The following FRMPD4 variants were observed in gnomAD, a reference collection of about 807,000 sequenced individuals.
The protein encoded by FRMPD4 is FERM and PDZ domain-containing protein 4.
FRMPD4 carries 22 observed loss-of-function variants against 94.1 expected under a neutral mutation model. The ratio of observed to expected loss-of-function variants is 0.23; its 90% CI spans 0.17 to 0.33. The LOEUF is 0.33. Ranked by LOEUF, FRMPD4 falls within the 10% of genes least tolerant of loss-of-function variation. The probability of loss-of-function intolerance (pLI) is 1.00; values close to 1 mark genes in which losing one functional copy is unlikely to be tolerated. For synonymous variants in FRMPD4, 631 were observed against 548.6 expected, an observed-to-expected ratio of 1.15 and a Z score of -2.10; for missense variants, 1,111 against 1,339.9, an observed-to-expected ratio of 0.83 and a Z score of 2.67.
intron 1 of FRMPD4, among the ~76,000 whole-genome samples, chrX:11,832,241 C>T (rs992255846): frequency 7.2e-5 from 8 of 111,586 alleles, no homozygotes; most frequent in Non-Finnish European, 1.3e-4. Flanking sequence ...TAACAGATAC[C>T]GGATTTGCCT....
chrX:12,507,123 C>T (rs1001995579), intron 2 of FRMPD4, among the ~76,000 whole-genome samples: 41 of 112,532 alleles, frequency 3.6e-4, no homozygotes, highest in African/African-American at 1.2e-3. Flanking sequence ...ACATGGCCTT[C>T]TCAATAAAGG....
intron 3 of FRMPD4, among the ~76,000 whole-genome samples, chrX:12,022,427 T>C (rs889258163): frequency 1.8e-5 from 2 of 112,044 alleles, no homozygotes; most frequent in African/African-American, 3.2e-5. Context: ...AGGGTTTCTC[T>C]CAGAAATGGA....
intron 1 of FRMPD4, among the ~76,000 whole-genome samples, chrX:12,454,340 G>C (rs937525799): frequency 5.4e-5 from 6 of 111,658 alleles, no homozygotes; most frequent in African/African-American, 1.3e-4. Flanking sequence ...GAAAACACTT[G>C]TATGACAAAT....
intron 1 of FRMPD4, among the ~76,000 whole-genome samples, chrX:12,399,297 A>G (rs1034712178): frequency 1.8e-5 from 2 of 111,995 alleles, no homozygotes; most frequent in African/African-American, 6.5e-5. Flanking sequence ...ATGTAGATGT[A>G]GATGTAGATG....
intron 1 of FRMPD4, among the ~76,000 whole-genome samples, chrX:12,284,135 A>G (rs185440194): frequency 3.1e-4 from 35 of 111,927 alleles, no homozygotes; most frequent in African/African-American, 1.1e-3. Flanking sequence ...GTGAACAGCT[A>G]TTATCGTTGA....
chrX:12,251,046 T>C (rs111568636), intron 1 of FRMPD4, among the ~76,000 whole-genome samples: 5 of 112,233 alleles, frequency 4.5e-5, no homozygotes, highest in African/African-American at 1.6e-4. Context: ...TTCCAGACAT[T>C]ACAAATGGAA....
At chrX:12,431,216 A>C (rs1176383946) in intron 1 of FRMPD4, among the ~76,000 whole-genome samples, 1 of 112,904 alleles carries the variant, frequency 8.9e-6, no homozygotes, top group Non-Finnish European at 1.9e-5. Flanking sequence ...AGAGGAAAAC[A>C]TAGAGAAATC....
At position 12,476,498 on chromosome X, in the gene FRMPD4, A is replaced by C. The variant is rs755959836; in HGVS notation, c.42-22182A>C. Among the ~76,000 whole-genome samples, 890 of 111,035 alleles carry C rather than the reference A, an allele frequency of 8.0e-3. 12 individuals are homozygous for C. The highest frequency in any genetic ancestry group is 0.027 in the African/African-American group (828 of 30,553). ...TTAAACTAAAGAGCTTCTGCACAGC[A>C]AAAGAAACTACCATCAGAGTGAACA... On this transcript the variant is annotated intron_variant, in intron 1 of 16. Transcript: ENST00000675598.
intron 1 of FRMPD4, among the ~76,000 whole-genome samples, chrX:12,353,397 CTACTAAACA>C (rs756178266): frequency 8.9e-6 from 1 of 111,881 alleles, no homozygotes; most frequent in Non-Finnish European, 1.9e-5. Context: ...TATTACCCAC[CTACTAAACA>C]TTCTTCCCAA....
intron 5 of FRMPD4, among the ~76,000 whole-genome samples, chrX:12,680,164 C>A (rs911018745): frequency 1.8e-5 from 2 of 112,204 alleles, no homozygotes; most frequent in African/African-American, 6.5e-5. Context: ...CAGGAGCATT[C>A]CACACACTAT....
At chrX:11,850,170 GA>G (rs1249183767) in intron 1 of FRMPD4, among the ~76,000 whole-genome samples, 1 of 112,385 alleles carries the variant, frequency 8.9e-6, no homozygotes, top group Non-Finnish European at 1.9e-5. Flanking sequence ...ACCAGCATAT[GA>G]AAAGTTGTTC....
intron 1 of FRMPD4, among the ~76,000 whole-genome samples, chrX:12,231,050 A>AAT (rs34870506): frequency 0.048 from 1,464 of 30,387 alleles, 50 homozygotes; most frequent in African/African-American, 0.074. Context: ...ATATATATAA[A>AAT]ATATATATAT....
intron 1 of FRMPD4, among the ~76,000 whole-genome samples, chrX:12,287,927 C>T (rs186796635): frequency 8.9e-6 from 1 of 111,869 alleles, no homozygotes; most frequent in Non-Finnish European, 1.9e-5. Flanking sequence ...CAGTGCTGCT[C>T]AGTGATGTCA....
intron 4 of FRMPD4, among the ~76,000 whole-genome samples, chrX:12,626,344 T>C (rs1023275468): frequency 1.0e-5 from 1 of 99,039 alleles, no homozygotes; most frequent in Non-Finnish European, 2.1e-5. Context: ...AAAAAATCAA[T>C]CCAAAGAGGA....
At chrX:12,700,152 C>G (rs1452096310) in intron 9 of FRMPD4, among the ~76,000 whole-genome samples, 1 of 111,495 alleles carries the variant, frequency 9.0e-6, no homozygotes, top group Non-Finnish European at 1.9e-5. Flanking sequence ...AAGAGGGATT[C>G]TAGTTTCTAT....
chrX:12,561,154 G>C (rs10482320), intron 2 of FRMPD4, among the ~76,000 whole-genome samples: 2 of 111,338 alleles, frequency 1.8e-5, no homozygotes, highest in Non-Finnish European at 3.8e-5. Flanking sequence ...ACTTTTCACC[G>C]ACATTGTGGA....
At chrX:12,163,837 T>C (rs1027924069) in intron 1 of FRMPD4, among the ~76,000 whole-genome samples, 1 of 111,880 alleles carries the variant, frequency 8.9e-6, no homozygotes, top group African/African-American at 3.2e-5. Context: ...GGTAGCCATG[T>C]TTCAAGGGAA....
chrX:12,702,735 C>G (rs4830796), intron 10 of FRMPD4, among the ~76,000 whole-genome samples: 16,069 of 111,359 alleles, frequency 0.14, 1,327 homozygotes, highest in East Asian at 0.74. Context: ...TTGCTGACTT[C>G]AACACCACTG....
rs187639022 is a variant in FRMPD4 at position 11,828,217 on chromosome X, C to A, written c.-161+5502C>A. Reference sequence around the variant, plus strand: ...TCTTGCTTGTAGCTTGTTACATTGTCCCTTCAAATAATCTCAGGTTTCAAC... The same window carrying A: ...TCTTGCTTGTAGCTTGTTACATTGTACCTTCAAATAATCTCAGGTTTCAAC... On this transcript the variant is annotated intron_variant, in intron 1 of 18. Coordinates refer to the FRMPD4 transcript ENST00000640291. 2.5e-3 allele frequency among the ~76,000 whole-genome samples: 279 copies of A among 111,766 alleles called. 1 individual carries two copies. Among genetic ancestry groups the A allele is most frequent in the African/African-American group, 8.1e-3 (250 of 30,881 alleles).
Sources: gnomAD v4.1 joint callset for allele counts (sites outside exome capture counted in the v4.1 genomes callset) on GRCh38, gnomAD v4.1.1 for gene constraint, MANE v1.5 for transcripts, NCBI Gene and HGNC (gene_info 2026-07-23, HGNC 2026-07-21) for gene names.